SLC16A7: variants seen among roughly 807,000 people sequenced by gnomAD.
SLC16A7 encodes solute carrier family 16 member 7.
SLC16A7 carries 33 observed loss-of-function variants against 34.9 expected under a neutral mutation model. The ratio of observed to expected loss-of-function variants is 0.94; its 90% CI spans 0.72 to 1.26. The LOEUF (loss-of-function observed/expected upper bound fraction) is 1.26. Among genes scored for constraint, SLC16A7 ranks in the 50% most tolerant of loss-of-function variants. The probability of loss-of-function intolerance (pLI) is 0.00; values close to 1 mark genes in which losing one functional copy is unlikely to be tolerated. For missense variants in SLC16A7, 573 were observed against 578.1 expected, an observed-to-expected ratio of 0.99 and a Z score of 0.09; for synonymous variants, 201 against 206.6, an observed-to-expected ratio of 0.97 and a Z score of 0.23.
intron 2 of SLC16A7, among the ~76,000 whole-genome samples, chr12:59,658,915 T>G (rs1868676871): frequency 6.6e-6 from 1 of 152,078 alleles, no homozygotes; most frequent in African/African-American, 2.4e-5. Context: ...TCAAATTTGC[T>G]AATGTGTCTA....
rs7966933 is a variant in SLC16A7 at position 59,672,003 on chromosome 12, C to G, written c.-31+16753C>G. Reference sequence around the variant, plus strand: ...TATCCGTATATATATGTGTATATATCCATATATCCGTATATATGTGTATAT... The same window carrying G: ...TATCCGTATATATATGTGTATATATGCATATATCCGTATATATGTGTATAT... On this transcript the variant is annotated intron_variant, in intron 2 of 5. Transcript: ENST00000547379. 7.5e-3 allele frequency among the ~76,000 whole-genome samples: 10 copies of G among 1,332 alleles called. 2 individuals carry two copies. Among genetic ancestry groups the G allele is most frequent in the African/African-American group, 0.043 (8 of 188 alleles). 0.9% of individuals were successfully genotyped at this position (1,332 alleles called of 152,430 possible). A position where few individuals can be genotyped will look rare whatever the true frequency, so the allele number is the denominator to read the frequency against.
At chr12:59,777,272 T>G (rs1882852730) in intron 5 of SLC16A7, among the ~76,000 whole-genome samples, 1 of 152,202 alleles carries the variant, frequency 6.6e-6, no homozygotes, top group Non-Finnish European at 1.5e-5. Context: ...ATATATCCAT[T>G]TTTTCATTCC....
intron 1 of SLC16A7, among the ~76,000 whole-genome samples, chr12:59,611,016 T>C (rs576681037): frequency 6.6e-6 from 1 of 152,198 alleles, no homozygotes; most frequent in Non-Finnish European, 1.5e-5. Context: ...GATTCACAGA[T>C]AGCAGTGTTA....
chr12:59,775,517 T>C lies in SLC16A7; in HGVS notation c.1180+42T>C, dbSNP rs757483579. The C allele has an allele frequency of 6.3e-6, 9 of 1,420,056 alleles. No individual in the cohort carries two copies. The Admixed American group carries it at 7.0e-5, about 11-fold the overall frequency. The allele number at this position is 1,420,056 out of a possible 1,614,324, so 88.0% of individuals were successfully genotyped here. ...TCAAGGAAAATGTAAAGCATAAAAT[T>C]AATATCCATTAACGGAGACTTTATA... is the stretch of plus-strand genomic sequence containing the variant. On this transcript the variant is annotated intron_variant, in intron 5 of 5. Transcript: ENST00000547379.
chr12:59,646,961 G>A (rs1219427678), intron 1 of SLC16A7, among the ~76,000 whole-genome samples: 3 of 152,122 alleles, frequency 2.0e-5, no homozygotes, highest in African/African-American at 7.2e-5. Context: ...TTTGGAATGG[G>A]TGTATATACC....
chr12:59,668,712 A>C (rs541427741), intron 2 of SLC16A7, among the ~76,000 whole-genome samples: 2 of 152,292 alleles, frequency 1.3e-5, no homozygotes, highest in East Asian at 3.9e-4. Context: ...ATGGGTTTTA[A>C]AATGTGAAAA....
At chr12:59,685,391 C>A (rs1871076222) in intron 2 of SLC16A7, among the ~76,000 whole-genome samples, 1 of 152,044 alleles carries the variant, frequency 6.6e-6, no homozygotes. Context: ...TTCAGCTTTG[C>A]CTCTTACATT....
chr12:59,742,909 A>G (rs982142336), intron 3 of SLC16A7, among the ~76,000 whole-genome samples: 6 of 152,218 alleles, frequency 3.9e-5, no homozygotes, highest in African/African-American at 1.4e-4. Flanking sequence ...TACTAGAGCT[A>G]CATTATTGGA....
chr12:59,604,566 A>C (rs1878844676), intron 1 of SLC16A7, among the ~76,000 whole-genome samples: 1 of 152,244 alleles, frequency 6.6e-6, no homozygotes, highest in Non-Finnish European at 1.5e-5. Context: ...TTTAAGTAAG[A>C]ATAGCTTACA....
chr12:59,748,549 A>G (rs1019670031), intron 3 of SLC16A7, among the ~76,000 whole-genome samples: 7 of 152,132 alleles, frequency 4.6e-5, no homozygotes, highest in African/African-American at 1.7e-4. Context: ...AATACCATAA[A>G]CCTTGAATAA....
At chr12:59,618,950 TC>T (rs960854723) in intron 1 of SLC16A7, among the ~76,000 whole-genome samples, 1 of 152,064 alleles carries the variant, frequency 6.6e-6, no homozygotes, top group Non-Finnish European at 1.5e-5. Context: ...TTGTGATTTT[TC>T]TGCTCCTGTA....
intron 2 of SLC16A7, among the ~76,000 whole-genome samples, chr12:59,665,967 A>G (rs1002732320): frequency 5.9e-5 from 9 of 152,046 alleles, no homozygotes; most frequent in African/African-American, 2.2e-4. Context: ...CAAAAGCTAA[A>G]TGTTCTTATG....
chr12:59,721,916 C>T (rs1315392385), intron 3 of SLC16A7, among the ~76,000 whole-genome samples: 1 of 151,772 alleles, frequency 6.6e-6, no homozygotes, highest in Admixed American at 6.6e-5. Flanking sequence ...ATTTTTGGTT[C>T]TTCCTTTCCC....
intron 3 of SLC16A7, among the ~76,000 whole-genome samples, chr12:59,749,809 T>A (rs2137320051): frequency 6.6e-6 from 1 of 152,298 alleles, no homozygotes; most frequent in East Asian, 1.9e-4. Flanking sequence ...AAGGTTGGAA[T>A]GTAAAGGACT....
chr12:59,757,259 T>TAATAA (rs60300922), intron 3 of SLC16A7, among the ~76,000 whole-genome samples: 18,102 of 150,648 alleles, frequency 0.12, 1,424 homozygotes, highest in African/African-American at 0.22. Flanking sequence ...AGTATAATAA[T>TAATAA]AATAAAATAA....
intron 2 of SLC16A7, among the ~76,000 whole-genome samples, chr12:59,669,945 G>A (rs1592460780): frequency 6.6e-6 from 1 of 152,118 alleles, no homozygotes; most frequent in Non-Finnish European, 1.5e-5. Flanking sequence ...TAGATTACAA[G>A]TTCTTATTAA....
chr12:59,731,272 A>T (rs1876921039), intron 3 of SLC16A7, among the ~76,000 whole-genome samples: 1 of 152,238 alleles, frequency 6.6e-6, no homozygotes, highest in Admixed American at 6.5e-5. Flanking sequence ...GTGACATTTT[A>T]CATTTGTATG....
At chr12:59,687,824 T>C (rs1871275303) in intron 2 of SLC16A7, among the ~76,000 whole-genome samples, 1 of 152,106 alleles carries the variant, frequency 6.6e-6, no homozygotes, top group Admixed American at 6.6e-5. Context: ...AACATACTCT[T>C]GGACATGGCC....
intron 1 of SLC16A7, among the ~76,000 whole-genome samples, chr12:59,629,656 A>G (rs1880089938): frequency 6.6e-6 from 1 of 151,952 alleles, no homozygotes; most frequent in South Asian, 2.1e-4. Flanking sequence ...CCTAATAGGA[A>G]TTCTTATCCT....
Sources: gnomAD v4.1 joint callset for allele counts (sites outside exome capture counted in the v4.1 genomes callset) on GRCh38, gnomAD v4.1.1 for gene constraint, MANE v1.5 for transcripts, NCBI Gene and HGNC (gene_info 2026-07-23, HGNC 2026-07-21) for gene names.